The following PCDHA12 variants were observed in gnomAD, a reference collection of about 807,000 sequenced individuals.
PCDHA12 encodes the protein protocadherin alpha 12, also known as protocadherin alpha-12.
Under a neutral mutation model 60.0 loss-of-function variants are expected in PCDHA12, and 44 were observed. That is an observed-to-expected ratio of 0.73 (90% CI 0.58 to 0.94). PCDHA12 has a LOEUF of 0.94. Ranked by LOEUF, PCDHA12 falls within the 40% of genes least tolerant of loss-of-function variation. The pLI, the probability that PCDHA12 is intolerant of heterozygous loss-of-function variation, is 0.00. For missense variants in PCDHA12, 1,276 were observed against 1,239.7 expected (o/e 1.03, Z -0.44); for synonymous variants, 569 against 553.0 (o/e 1.03, Z -0.40).
intron 1 of PCDHA12, among the ~76,000 whole-genome samples, chr5:140,941,304 C>T (rs1477431460): frequency 4.7e-5 from 4 of 84,830 alleles, no homozygotes; most frequent in African/African-American, 8.5e-5. Flanking sequence ...TTCTTTCTTT[C>T]TTTTTCTTCT....
At position 140,883,904 on chromosome 5, in the gene PCDHA12, G is replaced by A. The variant is rs146827381; in HGVS notation, c.2367+6065G>A. 7,677 of 1,613,344 alleles carry A rather than the reference G, an allele frequency of 4.8e-3. 19 individuals are homozygous for A. The highest frequency in any genetic ancestry group is 5.8e-3 in the Non-Finnish European group (6,886 of 1,179,828). On this transcript the variant is annotated intron_variant, in intron 1 of 3. Transcript: ENST00000398631. ...GCGCGACTCTGGCGTGCCGCCTCTG[G>A]GCAGCAACGTGACGCTGCAGGTGTT... is the stretch of plus-strand genomic sequence containing the variant.
At chr5:140,952,515 C>G (rs2094758109) in intron 1 of PCDHA12, among the ~76,000 whole-genome samples, 1 of 152,132 alleles carries the variant, frequency 6.6e-6, no homozygotes, top group Non-Finnish European at 1.5e-5. Context: ...TCATCTCCAT[C>G]TGAGACCTCC....
intron 1 of PCDHA12, among the ~76,000 whole-genome samples, chr5:140,896,522 G>A (rs1228394123): frequency 6.7e-6 from 1 of 149,268 alleles, no homozygotes; most frequent in Non-Finnish European, 1.5e-5. Context: ...ACACCACAAA[G>A]CCCAGCTATT....
chr5:140,995,383 G>A (rs909887279), intron 3 of PCDHA12, among the ~76,000 whole-genome samples: 2 of 152,158 alleles, frequency 1.3e-5, no homozygotes, highest in African/African-American at 4.8e-5. Flanking sequence ...TACTGGGCAG[G>A]ATAAAGCGGG....
chr5:140,884,762 A>C, intron 1 of PCDHA12: 1 of 1,423,132 alleles, frequency 7.0e-7, no homozygotes, highest in Non-Finnish European at 9.2e-7. Flanking sequence ...ATTATTCTTT[A>C]CTTTAATTTT....
chr5:140,915,234 A>G (rs1373292519), intron 1 of PCDHA12, among the ~76,000 whole-genome samples: 1 of 152,144 alleles, frequency 6.6e-6, no homozygotes, highest in Non-Finnish European at 1.5e-5. Flanking sequence ...GGCATGAGCC[A>G]CCATGCCTGG....
rs2154002003 is a variant in PCDHA12, at chr5:141,010,389, G to GAC, written c.*453_*454dup. The stretch of plus-strand genomic sequence containing the variant: ...TATGCGAGTGCCAGATATTGGCTGA[G>GAC]ACGAGCCAGCTTAGACTAATTGGTA... On this transcript the variant is annotated 3_prime_UTR_variant, in exon 4 of 4. Coordinates refer to ENST00000398631, the MANE Select transcript of PCDHA12 (RefSeq NM_018903.4). 1.4e-6 allele frequency: 2 copies of GAC among 1,400,314 alleles called. No individual in the cohort carries two copies. The highest frequency in any genetic ancestry group is 5.0e-5 in the East Asian group (2 of 40,030). The allele number at this position is 1,400,314 out of a possible 1,614,324, so 86.7% of individuals were successfully genotyped here. A position where few individuals can be genotyped will look rare whatever the true frequency, so the allele number is the denominator to read the frequency against.
intron 1 of PCDHA12, among the ~76,000 whole-genome samples, chr5:140,950,831 TTAAGAC>T (rs1337916001): frequency 6.6e-6 from 1 of 152,128 alleles, no homozygotes; most frequent in Non-Finnish European, 1.5e-5. Flanking sequence ...GTTTGGTCCT[TTAAGAC>T]TATACATTTC....
At chr5:140,941,222 T>C (rs147673675) in intron 1 of PCDHA12, among the ~76,000 whole-genome samples, 3 of 116,858 alleles carry the variant, frequency 2.6e-5, no homozygotes, top group African/African-American at 6.4e-5. Flanking sequence ...TTCCTTTCTT[T>C]CTTTCTTTCT....
rs782334415 is a variant in PCDHA12 at position 141,009,744 on chromosome 5, A to T, written c.2633A>T (p.Lys878Ile). 8.1e-6 allele frequency: 13 copies of T among 1,614,028 alleles called. No homozygotes were observed. Among genetic ancestry groups the T allele is most frequent in the Non-Finnish European group, 1.1e-5 (13 of 1,180,034 alleles). The change falls in exon 4 of 4, where the codon AAA becomes ATA. Residue 878 changes from lysine (K) to isoleucine (I), a missense_variant. Transcript: ENST00000398631. Reference protein sequence around the residue: ...KQSGPGELPDKFIIPGSPAII... With the variant: ...KQSGPGELPDIFIIPGSPAII... ...TCCGGTCCCGGTGAGTTGCCCGACA[A>T]ATTCATTATCCCAGGATCTCCTGCA...
intron 1 of PCDHA12, among the ~76,000 whole-genome samples, chr5:140,921,179 GT>G (rs1563044506): frequency 6.6e-6 from 1 of 151,662 alleles, no homozygotes; most frequent in South Asian, 2.1e-4. Context: ...ATAAAGCACA[GT>G]TTTTTCACAA....
chr5:141,002,261 C>A (rs373363788), intron 3 of PCDHA12, among the ~76,000 whole-genome samples: 1 of 152,224 alleles, frequency 6.6e-6, no homozygotes, highest in East Asian at 1.9e-4. Context: ...CACTGAAATC[C>A]CAGAGCTGGT....
chr5:140,900,000 A>G (rs1374747791), intron 1 of PCDHA12, among the ~76,000 whole-genome samples: 1 of 151,872 alleles, frequency 6.6e-6, no homozygotes, highest in Non-Finnish European at 1.5e-5. Flanking sequence ...TGTAGAGATG[A>G]GGTCTCACTT....
chr5:140,925,330 A>G (rs1459062876), intron 1 of PCDHA12, among the ~76,000 whole-genome samples: 2 of 152,132 alleles, frequency 1.3e-5, no homozygotes, highest in African/African-American at 4.8e-5. Context: ...CCTGTATTAA[A>G]AGAAGGATTT....
intron 1 of PCDHA12, among the ~76,000 whole-genome samples, chr5:140,900,906 G>C (rs2068354860): frequency 6.6e-6 from 1 of 152,096 alleles, no homozygotes; most frequent in African/African-American, 2.4e-5. Context: ...CATTTTAACT[G>C]TGGTAAGATG....
At chr5:140,913,144 A>T (rs1473490766) in intron 1 of PCDHA12, among the ~76,000 whole-genome samples, 4 of 152,180 alleles carry the variant, frequency 2.6e-5, no homozygotes, top group Non-Finnish European at 5.9e-5. Context: ...TTTTTGGAAT[A>T]GTTTGAGTAG....
intron 1 of PCDHA12, among the ~76,000 whole-genome samples, chr5:140,953,965 G>A (rs1554221174): frequency 6.6e-6 from 1 of 152,024 alleles, no homozygotes; most frequent in Non-Finnish European, 1.5e-5. Flanking sequence ...GCCCCAGTGT[G>A]TGTTGTTCCC....
At chr5:140,882,174 C>A (rs868925922) in intron 1 of PCDHA12, 1 of 1,514,752 alleles carries the variant, frequency 6.6e-7, no homozygotes, top group Non-Finnish European at 8.8e-7. Flanking sequence ...CGAATCCTTC[C>A]GCACTAGGAA....
At chr5:140,986,862 G>A (rs1441287999) in intron 3 of PCDHA12, among the ~76,000 whole-genome samples, 2 of 152,068 alleles carry the variant, frequency 1.3e-5, no homozygotes, top group East Asian at 1.9e-4. Flanking sequence ...AACAATACCC[G>A]GAAACTTGTT....
Sources: allele counts gnomAD v4.1 joint callset (sites outside exome capture counted in the v4.1 genomes callset), GRCh38; gene constraint gnomAD v4.1.1; transcripts MANE v1.5; gene names NCBI Gene and HGNC (gene_info 2026-07-23, HGNC 2026-07-21).